The following COMMD10 variants were observed in gnomAD, a reference collection of about 807,000 sequenced individuals.
COMMD10 encodes COMM domain-containing protein 10.
A neutral mutation model predicts 28.9 loss-of-function variants in COMMD10; 33 were observed. The ratio of observed to expected loss-of-function variants is 1.14; its 90% CI spans 0.87 to 1.53. COMMD10 has a LOEUF of 1.53. COMMD10 is among the 40% of genes most tolerant of loss of function. The probability of loss-of-function intolerance (pLI) is 0.00; values close to 1 mark genes in which losing one functional copy is unlikely to be tolerated. For missense variants in COMMD10, 310 were observed against 233.4 expected (o/e 1.33, Z -2.14); for synonymous variants, 110 against 81.7 (o/e 1.35, Z -1.87).
intron 5 of COMMD10, among the ~76,000 whole-genome samples, chr5:116,138,751 A>G (rs1045698803): frequency 6.6e-6 from 1 of 151,748 alleles, no homozygotes; most frequent in Non-Finnish European, 1.5e-5. Flanking sequence ...ATGATTTTGA[A>G]TGAATTTGGG....
rs570198573 is a variant in COMMD10 at position 116,120,487 on chromosome 5, A to G, written c.400-13581A>G. Among the ~76,000 whole-genome samples the G allele has an allele frequency of 2.8e-4, 43 of 152,242 alleles. 1 individual carries two copies. Among genetic ancestry groups the G allele is most frequent in the African/African-American group, 1.0e-3 (43 of 41,518 alleles). ...TGTAAGCAAATACCACCTGTACCCC[A>G]AAAACTATTGAAATAAAATTAAAAA... On this transcript the variant is annotated intron_variant, in intron 4 of 6. Transcript: ENST00000274458.
intron 4 of COMMD10, among the ~76,000 whole-genome samples, chr5:116,103,968 G>A (rs1201230672): frequency 6.6e-5 from 10 of 152,112 alleles, no homozygotes; most frequent in African/African-American, 2.4e-4. Flanking sequence ...TAGATGTGTG[G>A]TGTTATTTCT....
At chr5:116,241,381 A>G (rs1489074475) in intron 5 of COMMD10, among the ~76,000 whole-genome samples, 1 of 152,124 alleles carries the variant, frequency 6.6e-6, no homozygotes, top group African/African-American at 2.4e-5. Context: ...CAAGCCCCAA[A>G]TACCTACATA....
chr5:116,273,581 G>T (rs990031665), intron 5 of COMMD10, among the ~76,000 whole-genome samples: 1 of 151,758 alleles, frequency 6.6e-6, no homozygotes, highest in Non-Finnish European at 1.5e-5. Flanking sequence ...TTAATGACTA[G>T]ACTACAGAGG....
intron 4 of COMMD10, among the ~76,000 whole-genome samples, chr5:116,112,092 G>A (rs1391851672): frequency 6.6e-6 from 1 of 152,088 alleles, no homozygotes; most frequent in Non-Finnish European, 1.5e-5. Context: ...TTCTTGTAGA[G>A]CTGGTCTACT....
intron 4 of COMMD10, among the ~76,000 whole-genome samples, chr5:116,097,737 C>G (rs1266491084): frequency 2.0e-5 from 3 of 151,982 alleles, no homozygotes; most frequent in Non-Finnish European, 4.4e-5. Flanking sequence ...CTGGGGAGGC[C>G]TCAGGAAACT....
chr5:116,223,456 C>G (rs932925409), intron 5 of COMMD10, among the ~76,000 whole-genome samples: 4 of 152,164 alleles, frequency 2.6e-5, no homozygotes, highest in Non-Finnish European at 5.9e-5. Flanking sequence ...GAAACTGTCT[C>G]AGACTCTGGG....
chr5:116,127,884 C>T (rs746943835), intron 4 of COMMD10, among the ~76,000 whole-genome samples: 5 of 151,932 alleles, frequency 3.3e-5, no homozygotes, highest in African/African-American at 1.2e-4. Flanking sequence ...ATGTCACAAA[C>T]CTGCACGTTG....
At chr5:116,115,318 C>G (rs188560330) in intron 4 of COMMD10, among the ~76,000 whole-genome samples, 12 of 152,162 alleles carry the variant, frequency 7.9e-5, no homozygotes, top group African/African-American at 2.9e-4. Flanking sequence ...CCTTCTCCCA[C>G]GTTGCAGACT....
At chr5:116,267,156 G>A (rs541821466) in intron 5 of COMMD10, among the ~76,000 whole-genome samples, 1 of 151,734 alleles carries the variant, frequency 6.6e-6, no homozygotes, top group Non-Finnish European at 1.5e-5. Context: ...GAAGTCAAAT[G>A]GTCCCTGTTT....
At chr5:116,144,905 T>G (rs149571385) in intron 5 of COMMD10, among the ~76,000 whole-genome samples, 1 of 151,698 alleles carries the variant, frequency 6.6e-6, no homozygotes, top group Non-Finnish European at 1.5e-5. Context: ...CACAGATCCA[T>G]TGGGGGAGAA....
intron 5 of COMMD10, among the ~76,000 whole-genome samples, chr5:116,194,304 A>G (rs1183230801): frequency 6.6e-6 from 1 of 152,132 alleles, no homozygotes; most frequent in African/African-American, 2.4e-5. Context: ...CAGCAAAAGA[A>G]AGGAAATAAC....
intron 5 of COMMD10, among the ~76,000 whole-genome samples, chr5:116,177,967 T>C (rs1409980243): frequency 6.6e-6 from 1 of 152,204 alleles, no homozygotes; most frequent in Admixed American, 6.5e-5. Context: ...AATATTCTTT[T>C]ACTCAGATAA....
rs539506837 is a variant in COMMD10, at chr5:116,268,582, C to G, written c.511-22935C>G. ...TCTAGAACTAGAAATACCATTTGACCCAGCCATCCCATTACTGGGTATATA... is the reference window on the plus strand; with the variant it reads ...TCTAGAACTAGAAATACCATTTGACGCAGCCATCCCATTACTGGGTATATA... On this transcript the variant is annotated intron_variant, in intron 5 of 6. Transcript: ENST00000274458. Among the ~76,000 whole-genome samples, 114 of 151,922 alleles carry G rather than the reference C, an allele frequency of 7.5e-4. 2 individuals are homozygous for G. The highest frequency in any genetic ancestry group is 3.1e-3 in the Admixed American group (48 of 15,260).
chr5:116,272,906 A>C (rs1196709619), intron 5 of COMMD10, among the ~76,000 whole-genome samples: 1 of 151,696 alleles, frequency 6.6e-6, no homozygotes, highest in East Asian at 1.9e-4. Context: ...TTTCCTCTCA[A>C]ATGGATGTGG....
intron 4 of COMMD10, among the ~76,000 whole-genome samples, chr5:116,122,928 G>A (rs1433850609): frequency 6.6e-6 from 1 of 152,156 alleles, no homozygotes; most frequent in Non-Finnish European, 1.5e-5. Context: ...TGCAAACGGG[G>A]ACAGTTTGAC....
At chr5:116,228,741 A>G (rs1203666936) in intron 5 of COMMD10, among the ~76,000 whole-genome samples, 1 of 151,982 alleles carries the variant, frequency 6.6e-6, no homozygotes, top group Non-Finnish European at 1.5e-5. Context: ...TTAAAATAAG[A>G]TCTTTTAGGA....
chr5:116,127,325 G>T (rs1751689536), intron 4 of COMMD10, among the ~76,000 whole-genome samples: 1 of 152,178 alleles, frequency 6.6e-6, no homozygotes, highest in Non-Finnish European at 1.5e-5. Context: ...TACACCTTTG[G>T]TGGGAGTGTA....
intron 4 of COMMD10, among the ~76,000 whole-genome samples, chr5:116,117,447 A>G (rs1296329925): frequency 6.6e-6 from 1 of 151,944 alleles, no homozygotes; most frequent in East Asian, 1.9e-4. Context: ...CTTTTGCCTG[A>G]TTTTAGTCAT....
Sources: gnomAD v4.1 joint callset for allele counts (sites outside exome capture counted in the v4.1 genomes callset) on GRCh38, gnomAD v4.1.1 for gene constraint, MANE v1.5 for transcripts, NCBI Gene and HGNC (gene_info 2026-07-23, HGNC 2026-07-21) for gene names.